CNTNAP5: variants seen among roughly 807,000 people sequenced by gnomAD.
CNTNAP5 encodes the protein contactin associated protein family member 5, also known as contactin-associated protein-like 5.
In CNTNAP5, 72 loss-of-function variants were observed where a neutral mutation model predicts 150.2. The observed-to-expected ratio is 0.48, with a 90% CI of 0.40 to 0.58. The LOEUF (loss-of-function observed/expected upper bound fraction) is 0.58, where lower values mean the gene tolerates loss of function less well. CNTNAP5 is among the 20% of genes least tolerant of loss of function. The pLI, the probability that CNTNAP5 is intolerant of heterozygous loss-of-function variation, is 0.00. For missense variants in CNTNAP5, 1,636 were observed against 1,626.2 expected, an observed-to-expected ratio of 1.01 and a Z score of -0.10; for synonymous variants, 672 against 619.8, an observed-to-expected ratio of 1.08 and a Z score of -1.25.
chr2:124,666,915 A>G (rs999326437), intron 13 of CNTNAP5, among the ~76,000 whole-genome samples: 1 of 134,894 alleles, frequency 7.4e-6, no homozygotes, highest in Non-Finnish European at 1.6e-5. Flanking sequence ...AAGACTTTCA[A>G]AGATGTTCAG....
rs554264956 is a variant in CNTNAP5, at chr2:124,691,310, A to G, written c.2077+43352A>G. Among the ~76,000 whole-genome samples, 9 of 152,200 alleles carry G rather than the reference A, an allele frequency of 5.9e-5. No individual in the cohort carries two copies. The South Asian group carries it at 1.7e-3, about 28-fold the overall frequency. Reference sequence around the variant, plus strand: ...TTTCTTTATGGCCAGTTTTTATACAAAAAGTTGGTGGGTAAAGTTAGAGTA... The same window carrying G: ...TTTCTTTATGGCCAGTTTTTATACAGAAAGTTGGTGGGTAAAGTTAGAGTA... On this transcript the variant is annotated intron_variant, in intron 13 of 23. Coordinates refer to ENST00000682447, the MANE Select transcript of CNTNAP5 (RefSeq NM_001367498.1).
intron 10 of CNTNAP5, among the ~76,000 whole-genome samples, chr2:124,536,355 C>T (rs191265870): frequency 2.8e-4 from 43 of 152,260 alleles, no homozygotes; most frequent in Admixed American, 2.0e-3. Flanking sequence ...ACTGCAGCAT[C>T]GGTGTCACCT....
At chr2:124,396,554 G>T (rs528152535) in intron 3 of CNTNAP5, among the ~76,000 whole-genome samples, 1 of 152,208 alleles carries the variant, frequency 6.6e-6, no homozygotes, top group East Asian at 1.9e-4. Flanking sequence ...GCATTATTTT[G>T]CCCCCTTTTC....
intron 21 of CNTNAP5, among the ~76,000 whole-genome samples, chr2:124,874,655 A>G (rs979867233): frequency 2.0e-5 from 3 of 152,052 alleles, no homozygotes; most frequent in African/African-American, 7.2e-5. Context: ...TCTCTTCTTA[A>G]AGAAGACTTC....
chr2:124,706,798 G>A (rs12999199), intron 13 of CNTNAP5, among the ~76,000 whole-genome samples: 451 of 7,130 alleles, frequency 0.063, 1 homozygote, highest in Middle Eastern at 0.17. Flanking sequence ...GAAGAAGAAG[G>A]AGGAGGAGGA....
At chr2:124,833,857 G>A (rs1682770024) in intron 19 of CNTNAP5, among the ~76,000 whole-genome samples, 1 of 151,930 alleles carries the variant, frequency 6.6e-6, no homozygotes, top group Non-Finnish European at 1.5e-5. Flanking sequence ...TATTGACTCA[G>A]GTAAGAGATG....
Position 124,865,287 on chromosome 2 carries a change from C to A in CNTNAP5, c.3218-19C>A, listed in dbSNP as rs772411625. The A allele has an allele frequency of 6.5e-7, 1 of 1,544,884 alleles. No homozygotes were observed. Among genetic ancestry groups the A allele is most frequent in the Non-Finnish European group, 8.8e-7 (1 of 1,141,716 alleles). On this transcript the variant is annotated intron_variant, in intron 19 of 23. Transcript: ENST00000682447. ...TAGGTGCTGCTTTATATTCTAATTT[C>A]TAATATTTTTCTTTCAAGGAAGCTT...
At chr2:124,435,887 A>C (rs1692519543) in intron 5 of CNTNAP5, among the ~76,000 whole-genome samples, 1 of 152,198 alleles carries the variant, frequency 6.6e-6, no homozygotes, top group East Asian at 1.9e-4. Context: ...TTGACACCTA[A>C]TATATTAGAT....
chr2:124,312,917 C>G (rs1005796161), intron 3 of CNTNAP5, among the ~76,000 whole-genome samples: 3 of 152,166 alleles, frequency 2.0e-5, no homozygotes, highest in African/African-American at 7.2e-5. Flanking sequence ...ATTGGCCAGG[C>G]TGGTCTCGAA....
chr2:124,342,675 G>C (rs1380380062), intron 3 of CNTNAP5, among the ~76,000 whole-genome samples: 1 of 152,126 alleles, frequency 6.6e-6, no homozygotes, highest in African/African-American at 2.4e-5. Flanking sequence ...AAATTTTGGA[G>C]GGATCAATCA....
At chr2:124,375,870 A>C (rs1690635627) in intron 3 of CNTNAP5, among the ~76,000 whole-genome samples, 1 of 152,106 alleles carries the variant, frequency 6.6e-6, no homozygotes, top group Non-Finnish European at 1.5e-5. Flanking sequence ...ACTACATAGT[A>C]ACACTGTTAA....
chr2:124,415,531 A>C (rs1691895325), intron 3 of CNTNAP5, among the ~76,000 whole-genome samples: 1 of 152,188 alleles, frequency 6.6e-6, no homozygotes, highest in African/African-American at 2.4e-5. Flanking sequence ...AAATAGACAA[A>C]ATTATCTTAC....
intron 11 of CNTNAP5, among the ~76,000 whole-genome samples, chr2:124,563,573 A>T (rs1270432457): frequency 6.6e-6 from 1 of 152,212 alleles, no homozygotes; most frequent in East Asian, 1.9e-4. Context: ...AGTACAGTTG[A>T]ATAAGTTTAA....
intron 7 of CNTNAP5, among the ~76,000 whole-genome samples, chr2:124,479,320 T>C (rs1693713753): frequency 6.6e-6 from 1 of 152,122 alleles, no homozygotes. Context: ...GAAATGATGC[T>C]TTTTTTGAGC....
intron 3 of CNTNAP5, among the ~76,000 whole-genome samples, chr2:124,360,423 G>A (rs1690166045): frequency 6.8e-6 from 1 of 147,380 alleles, no homozygotes; most frequent in South Asian, 2.2e-4. Context: ...TTACATTTTG[G>A]CTTGATTTTG....
At chr2:124,346,966 G>A (rs1400223451) in intron 3 of CNTNAP5, among the ~76,000 whole-genome samples, 2 of 150,540 alleles carry the variant, frequency 1.3e-5, no homozygotes, top group African/African-American at 2.4e-5. Flanking sequence ...GTGCGTGCCT[G>A]TAGTCCCAGC....
chr2:124,420,069 C>A (rs1692061628), intron 4 of CNTNAP5, among the ~76,000 whole-genome samples: 2 of 146,612 alleles, frequency 1.4e-5, no homozygotes, highest in Non-Finnish European at 3.0e-5. Flanking sequence ...CAGCTCACTG[C>A]AACCTCCGCC....
intron 1 of CNTNAP5, among the ~76,000 whole-genome samples, chr2:124,196,515 C>T (rs952770421): frequency 1.3e-5 from 2 of 152,084 alleles, no homozygotes. Flanking sequence ...TCCATATTTC[C>T]ATGCAAAGAT....
chr2:124,740,017 C>T (rs1003719003), intron 13 of CNTNAP5, among the ~76,000 whole-genome samples: 7 of 151,712 alleles, frequency 4.6e-5, no homozygotes, highest in African/African-American at 1.2e-4. Flanking sequence ...TCACAGGATA[C>T]AGTTAAACCA....
Sources: allele counts gnomAD v4.1 joint callset (sites outside exome capture counted in the v4.1 genomes callset), GRCh38; gene constraint gnomAD v4.1.1; transcripts MANE v1.5; gene names NCBI Gene and HGNC (gene_info 2026-07-23, HGNC 2026-07-21).